The following EIF2AK4 variants were observed in gnomAD, a reference collection of about 807,000 sequenced individuals.
EIF2AK4 encodes eukaryotic translation initiation factor 2 alpha kinase 4.
Under a neutral mutation model 211.1 loss-of-function variants are expected in EIF2AK4, and 139 were observed. The ratio of observed to expected loss-of-function variants is 0.66; its 90% CI spans 0.57 to 0.76. EIF2AK4 has a LOEUF of 0.76. Among genes scored for constraint, EIF2AK4 ranks in the 30% least tolerant of loss-of-function variants. The pLI is 0.00. For missense variants in EIF2AK4, 1,664 were observed against 2,043.8 expected (o/e 0.81, Z 3.58); for synonymous variants, 710 against 751.3 (o/e 0.94, Z 0.90).
chr15:39,994,835 CATT>C (rs200224962), intron 18 of EIF2AK4, among the ~76,000 whole-genome samples: 17 of 151,296 alleles, frequency 1.1e-4, no homozygotes, highest in African/African-American at 2.7e-4. Context: ...CCTTTAGTGT[CATT>C]ATTATTATTA....
intron 25 of EIF2AK4, 108 bp from the exon 26 acceptor site, chr15:40,009,506 A>G: frequency 1.5e-6 from 1 of 663,988 alleles, no homozygotes; most frequent in East Asian, 2.6e-5. Flanking sequence ...TGCTAAATTC[A>G]ATCCTTCCAT....
At chr15:39,951,345 C>A (rs1015324618) in intron 4 of EIF2AK4, 9 of 195,486 alleles carry the variant, frequency 4.6e-5, no homozygotes, top group Admixed American at 4.3e-4. Context: ...CTTGAGCCAC[C>A]ACGCCCGACC....
rs2140937851 is a variant in EIF2AK4, at chr15:40,008,050, G to A, written c.3431G>A (p.Arg1144Lys). Reference sequence around the variant, plus strand: ...AGATACTGCATAGAACGTGTGTTCAGGCCGCGCAAGTTAGATCGATTTCAT... The same window carrying A: ...AGATACTGCATAGAACGTGTGTTCAAGCCGCGCAAGTTAGATCGATTTCAT... Reference protein sequence around the residue: ...LKRYCIERVFRPRKLDRFHPK... With the variant: ...LKRYCIERVFKPRKLDRFHPK... The change falls in exon 25 of 39, where the codon AGG (arginine) becomes AAG (lysine). Residue 1144 changes from arginine (R) to lysine (K), a missense_variant. This residue lies in a region of EIF2AK4 where 622 missense variants were observed against 796.8 expected (regional missense o/e 0.78). Transcript: ENST00000263791. The A allele has an allele frequency of 6.2e-7, 1 of 1,605,942 alleles. No individual in the cohort carries two copies. Among genetic ancestry groups the A allele is most frequent in the East Asian group, 2.2e-5 (1 of 44,474 alleles).
chr15:39,949,949 T>A (rs995468162), intron 4 of EIF2AK4, among the ~76,000 whole-genome samples: 2 of 152,004 alleles, frequency 1.3e-5, no homozygotes, highest in African/African-American at 4.8e-5. Flanking sequence ...GTCTTATTTT[T>A]AAAATCTTTT....
At chr15:40,016,170 T>C (rs1194124374) in intron 27 of EIF2AK4, among the ~76,000 whole-genome samples, 2 of 152,132 alleles carry the variant, frequency 1.3e-5, no homozygotes, top group East Asian at 3.8e-4. Flanking sequence ...ATAAGAAAGG[T>C]AAAGAGGAAA....
In EIF2AK4 at chr15:40,001,057, A is replaced by G. The variant is rs1379871606; in HGVS notation, c.2992A>G (p.Ser998Gly). 2.5e-6 allele frequency: 4 copies of G among 1,614,078 alleles called. No individual in the cohort carries two copies. The African/African-American group carries it at 5.3e-5, about 22-fold the overall frequency. ...GCCCACAGCCACAGAACTGCTCAAG[A>G]GTGAGCTGCTGCCCCCACCCCAGAT... ...KRPTATELLK[S>G]ELLPPPQMEE... The change falls in exon 21 of 39, where the codon AGT (serine) becomes GGT (glycine). Residue 998 changes from serine (S) to glycine (G), a missense_variant. Ser to Gly is a moderately conservative substitution (Grantham distance 56, BLOSUM62 0). This residue lies in a region of EIF2AK4 where 622 missense variants were observed against 796.8 expected (regional missense o/e 0.78). Coordinates refer to ENST00000263791, the MANE Select transcript of EIF2AK4 (RefSeq NM_001013703.4).
At chr15:40,024,693 C>T (rs1166565949) in intron 32 of EIF2AK4, among the ~76,000 whole-genome samples, 1 of 127,112 alleles carries the variant, frequency 7.9e-6, no homozygotes, top group Non-Finnish European at 1.7e-5. Context: ...CCACTGCGCC[C>T]AGCCTCCTTT....
intron 14 of EIF2AK4, among the ~76,000 whole-genome samples, chr15:39,986,407 A>G (rs1414707827): frequency 6.6e-6 from 1 of 152,260 alleles, no homozygotes; most frequent in Non-Finnish European, 1.5e-5. Flanking sequence ...ACTTTAGGCA[A>G]AGTGGCTTGA....
intron 18 of EIF2AK4, 36 bp downstream of exon 18, chr15:39,992,884 T>G (rs1258115681): frequency 6.3e-7 from 1 of 1,593,300 alleles, no homozygotes; most frequent in Non-Finnish European, 8.6e-7. Flanking sequence ...ATCTCAAAAT[T>G]AAGGTAATAG....
At chr15:39,971,359 A>G (rs1414739948) in intron 9 of EIF2AK4, among the ~76,000 whole-genome samples, 1 of 152,118 alleles carries the variant, frequency 6.6e-6, no homozygotes, top group Non-Finnish European at 1.5e-5. Flanking sequence ...CCCCATATCT[A>G]CTAAAAAGAC....
At chr15:39,946,819 CA>C (rs35450842) in intron 3 of EIF2AK4, 1 of 593,264 alleles carries the variant, frequency 1.7e-6, no homozygotes, top group Non-Finnish European at 3.0e-6. Context: ...CCTCTGTCTG[CA>C]AAAAGATTAT....
At chr15:39,948,548 A>T (rs1046015742) in intron 3 of EIF2AK4, among the ~76,000 whole-genome samples, 4 of 152,208 alleles carry the variant, frequency 2.6e-5, no homozygotes, top group Middle Eastern at 6.3e-3. Context: ...TGCTTCTCTA[A>T]GTGGAAATAA....
rs769935594 is a variant in EIF2AK4 at position 39,992,864 on chromosome 15, G to A, written c.2766+16G>A. 1.8e-5 allele frequency: 29 copies of A among 1,612,550 alleles called. No individual in the cohort carries two copies. The highest frequency in any genetic ancestry group is 2.4e-5 in the Non-Finnish European group (28 of 1,178,798). ...ATACAACCAGGTAAGAGGTTTTGTG[G>A]GGAAAAGGAATCTCAAAATTAAGGT... is the stretch of plus-strand genomic sequence containing the variant. On this transcript the variant is annotated intron_variant, in intron 18 of 38. Transcript: ENST00000263791.
At chr15:39,936,477 A>G (rs1416824527) in intron 1 of EIF2AK4, among the ~76,000 whole-genome samples, 2 of 152,140 alleles carry the variant, frequency 1.3e-5, no homozygotes, top group Non-Finnish European at 2.9e-5. Context: ...CGGTGGAGCA[A>G]TCTCGGCTCA....
At chr15:40,023,914 C>G (rs1310727086) in intron 32 of EIF2AK4, among the ~76,000 whole-genome samples, 1 of 152,102 alleles carries the variant, frequency 6.6e-6, no homozygotes, top group Admixed American at 6.5e-5. Context: ...AGCCCATAGC[C>G]TGCTTTTATA....
chr15:39,979,598 A>G (rs1479080569), intron 13 of EIF2AK4, among the ~76,000 whole-genome samples: 3 of 152,208 alleles, frequency 2.0e-5, no homozygotes, highest in Admixed American at 6.5e-5. Flanking sequence ...TGTACTGACA[A>G]ATTTTGGTAA....
intron 13 of EIF2AK4, 83 bp downstream of exon 13, chr15:39,978,230 G>A: frequency 1.5e-6 from 1 of 678,988 alleles, no homozygotes; most frequent in South Asian, 3.1e-5. Context: ...AAAGTATTAA[G>A]GCTTTAATCT....
chr15:40,016,892 T>C (rs1384185513), intron 28 of EIF2AK4, among the ~76,000 whole-genome samples: 2 of 152,216 alleles, frequency 1.3e-5, no homozygotes, highest in Non-Finnish European at 2.9e-5. Context: ...TCTTACTATG[T>C]TAGCCTCAGA....
At chr15:39,941,292 G>A (rs1246930738) in intron 2 of EIF2AK4, among the ~76,000 whole-genome samples, 1 of 152,166 alleles carries the variant, frequency 6.6e-6, no homozygotes, top group Non-Finnish European at 1.5e-5. Context: ...ATCAAGGCTT[G>A]GTTTTTCTGG....
Sources: allele counts gnomAD v4.1 joint callset (sites outside exome capture counted in the v4.1 genomes callset), GRCh38; gene constraint gnomAD v4.1.1; regional missense constraint gnomAD v4.1.1; transcripts MANE v1.5; gene names NCBI Gene and HGNC (gene_info 2026-07-23, HGNC 2026-07-21).